Variants in PRLR observed in about 807,000 individuals in gnomAD.
PRLR encodes hPRL receptor.
PRLR carries 13 observed loss-of-function variants against 40.2 expected under a neutral mutation model. That is an observed-to-expected ratio of 0.32 (90% CI 0.21 to 0.51). The LOEUF is 0.51. Among genes scored for constraint, PRLR ranks in the 20% least tolerant of loss-of-function variants. PRLR has a pLI of 0.97. For missense variants in PRLR, 656 were observed against 747.3 expected (o/e 0.88, Z 1.42); for synonymous variants, 269 against 278.7 (o/e 0.97, Z 0.35).
chr5:35,150,365 G>T (rs1044017599), intron 1 of PRLR, among the ~76,000 whole-genome samples: 1 of 152,166 alleles, frequency 6.6e-6, no homozygotes, highest in Non-Finnish European at 1.5e-5. Context: ...TTTTGTTGCG[G>T]TCATTGTTGA....
intron 2 of PRLR, among the ~76,000 whole-genome samples, chr5:35,110,081 G>A (rs180883959): frequency 9.8e-4 from 149 of 152,260 alleles, no homozygotes; most frequent in Non-Finnish European, 8.8e-4. Flanking sequence ...CATGGATGAA[G>A]CTGGAAACCA....
chr5:35,159,449 A>T (rs1379426548), intron 1 of PRLR, among the ~76,000 whole-genome samples: 1 of 135,490 alleles, frequency 7.4e-6, no homozygotes, highest in Non-Finnish European at 1.6e-5. Context: ...AGAAAAAACT[A>T]GAGTGTCACC....
chr5:35,110,422 A>T (rs2111640459), intron 2 of PRLR, among the ~76,000 whole-genome samples: 1 of 152,218 alleles, frequency 6.6e-6, no homozygotes, highest in East Asian at 1.9e-4. Flanking sequence ...TCTATAGAAC[A>T]TTTCATAGCA....
chr5:35,072,511 A>G, intron 6 of PRLR, 64 bp downstream of exon 6: 3 of 1,520,138 alleles, frequency 2.0e-6, no homozygotes, highest in South Asian at 1.3e-5. Flanking sequence ...ACCTGTTTTC[A>G]GTTGTGAGGG....
intron 2 of PRLR, among the ~76,000 whole-genome samples, chr5:35,112,516 AAGC>A (rs1772724530): frequency 6.6e-6 from 1 of 152,092 alleles, no homozygotes; most frequent in Non-Finnish European, 1.5e-5. Flanking sequence ...AAAGAGGAGA[AAGC>A]AGGAGGATGT....
chr5:35,170,676 C>A lies in PRLR; in HGVS notation c.-105-52554G>T, dbSNP rs572996294. Among the ~76,000 whole-genome samples the A allele has an allele frequency of 3.3e-5, 5 of 152,212 alleles. No homozygotes were observed. In the South Asian group the frequency reaches 1.0e-3, roughly 32 times the overall value. On this transcript the variant is annotated intron_variant, in intron 1 of 9. Transcript: ENST00000618457. Reference sequence around the variant, plus strand: ...ACCACTGCACTCAAAATGCAAAATGCACTCTAGTCTGGGTGACAGAACAAG... The same window carrying A: ...ACCACTGCACTCAAAATGCAAAATGAACTCTAGTCTGGGTGACAGAACAAG...
intron 2 of PRLR, among the ~76,000 whole-genome samples, chr5:35,107,355 A>T (rs575882823): frequency 6.6e-6 from 1 of 152,350 alleles, no homozygotes; most frequent in African/African-American, 2.4e-5. Context: ...AAGCTAGCAG[A>T]AGGCAAGAAA....
chr5:35,112,546 G>A (rs1471779826), intron 2 of PRLR, among the ~76,000 whole-genome samples: 3 of 152,126 alleles, frequency 2.0e-5, no homozygotes, highest in Non-Finnish European at 2.9e-5. Flanking sequence ...TCAAAGGCAG[G>A]TGGGCTAGGG....
chr5:35,088,010 A>T (rs912242437), intron 3 of PRLR, among the ~76,000 whole-genome samples: 1 of 152,224 alleles, frequency 6.6e-6, no homozygotes, highest in Non-Finnish European at 1.5e-5. Flanking sequence ...CTCCAAGGCC[A>T]GAGTTTCTAG....
At chr5:35,130,057 G>A (rs536696085) in intron 1 of PRLR, among the ~76,000 whole-genome samples, 50 of 152,292 alleles carry the variant, frequency 3.3e-4, no homozygotes, top group African/African-American at 1.2e-3. Context: ...TTTGCTCCTG[G>A]CACCGAATAT....
intron 1 of PRLR, among the ~76,000 whole-genome samples, chr5:35,134,379 T>G (rs1277616187): frequency 4.8e-5 from 7 of 146,538 alleles, no homozygotes; most frequent in Non-Finnish European, 1.0e-4. Flanking sequence ...TGCTTTCTGG[T>G]CACTCTGGTG....
chr5:35,082,498 T>C (rs1010709067), intron 5 of PRLR, among the ~76,000 whole-genome samples: 9 of 150,936 alleles, frequency 6.0e-5, no homozygotes, highest in African/African-American at 2.2e-4. Context: ...CTGGGCTTTA[T>C]GCACCACATA....
chr5:35,168,543 G>A (rs953050733), intron 1 of PRLR, among the ~76,000 whole-genome samples: 1 of 151,782 alleles, frequency 6.6e-6, no homozygotes, highest in African/African-American at 2.4e-5. Context: ...ATCAATATCA[G>A]ACAAGTAACT....
chr5:35,167,898 A>G (rs1273170965), intron 1 of PRLR, among the ~76,000 whole-genome samples: 1 of 152,068 alleles, frequency 6.6e-6, no homozygotes, highest in African/African-American at 2.4e-5. Flanking sequence ...AATAGGTGAG[A>G]CAACAGAAAA....
In PRLR at chr5:35,064,955, T is replaced by C. The variant is rs1367254326; in HGVS notation, c.*134A>G. 3 of 978,472 alleles carry C rather than the reference T, an allele frequency of 3.1e-6. No homozygotes were observed. The Admixed American group carries it at 8.7e-5, about 29-fold the overall frequency. The allele number at this position is 978,472 out of a possible 1,614,324, so 60.6% of individuals were successfully genotyped here. On this transcript the variant is annotated 3_prime_UTR_variant, in exon 10 of 10. Transcript: ENST00000618457. Reference sequence around the variant, plus strand: ...AGCTGCTGGAGAAAGAGGCAAGTGGTTAAAAATGGAGCATGAAAGGAGCTG... The same window carrying C: ...AGCTGCTGGAGAAAGAGGCAAGTGGCTAAAAATGGAGCATGAAAGGAGCTG...
rs755373081 is a variant in PRLR at position 35,065,747 on chromosome 5, G to C, written c.1211C>G (p.Pro404Arg). 1 of 1,614,008 alleles carries C rather than the reference G, an allele frequency of 6.2e-7. No individual in the cohort carries two copies. Among genetic ancestry groups the C allele is most frequent in the African/African-American group, 1.3e-5 (1 of 74,914 alleles). Reference protein sequence around the residue: ...PQCISMEGKIPYFHAGGSKCS... With the variant: ...PQCISMEGKIRYFHAGGSKCS... ...TTTGGATCCACCAGCATGAAAATAG[G>C]GGATTTTGCCTTCCATGCTTATGCA... Residue 404 changes from proline (P) to arginine (R), a missense_variant, in exon 10 of 10, where the codon CCC becomes CGC. This residue lies in a region of PRLR where 469 missense variants were observed against 491.5 expected (regional missense o/e 0.95). Transcript: ENST00000618457.
exon 9 of PRLR, chr5:35,048,916 G>C: frequency 8.5e-6 from 3 of 352,632 alleles, no homozygotes; most frequent in Non-Finnish European, 1.7e-5. Context: ...ACTGGGGATG[G>C]GTAGATATCA....
At chr5:35,091,422 T>G (rs1771204662) in intron 2 of PRLR, among the ~76,000 whole-genome samples, 1 of 152,158 alleles carries the variant, frequency 6.6e-6, no homozygotes, top group Non-Finnish European at 1.5e-5. Context: ...TAAATTTCAT[T>G]TTGTCATCAC....
At position 35,063,085 on chromosome 5, in the gene PRLR, A is replaced by G. The variant is rs1479485743; in HGVS notation, c.*2004T>C. 1 of 152,240 alleles carries G rather than the reference A, an allele frequency of 6.6e-6. No individual in the cohort carries two copies. Among genetic ancestry groups the G allele is most frequent in the Non-Finnish European group, 1.5e-5 (1 of 68,048 alleles). The allele number at this position is 152,240 out of a possible 1,614,324, so 9.4% of individuals were successfully genotyped here. ...GATTCTGCAAATGGAATTTTCAAAC[A>G]CTGCCCAGGTGATGCCTATGCAGTT... is the stretch of plus-strand genomic sequence containing the variant. On this transcript the variant is annotated 3_prime_UTR_variant, in exon 10 of 10. Coordinates refer to ENST00000618457, the MANE Select transcript of PRLR (RefSeq NM_000949.7).
Sources: gnomAD v4.1 joint callset for allele counts (sites outside exome capture counted in the v4.1 genomes callset) on GRCh38, gnomAD v4.1.1 for gene constraint, gnomAD v4.1.1 regional missense constraint, MANE v1.5 for transcripts, NCBI Gene and HGNC (gene_info 2026-07-23, HGNC 2026-07-21) for gene names.